Variants in SHISA9 observed in about 807,000 individuals in gnomAD.
SHISA9 encodes shisa family member 9.
SHISA9 carries 13 observed loss-of-function variants against 38.0 expected under a neutral mutation model. That is an observed-to-expected ratio of 0.34 (90% CI 0.22 to 0.54). The LOEUF (loss-of-function observed/expected upper bound fraction) is 0.54, where lower values mean the gene tolerates loss of function less well. Ranked by LOEUF, SHISA9 falls within the 20% of genes least tolerant of loss-of-function variation. SHISA9 has a pLI of 0.91. For missense variants in SHISA9, 538 were observed against 575.8 expected, an observed-to-expected ratio of 0.93 and a Z score of 0.67; for synonymous variants, 275 against 242.0, an observed-to-expected ratio of 1.14 and a Z score of -1.27.
intron 2 of SHISA9, among the ~76,000 whole-genome samples, chr16:13,170,647 AGTTTGTTT>A (rs201400283): frequency 6.6e-5 from 10 of 152,040 alleles, no homozygotes; most frequent in African/African-American, 1.7e-4. Flanking sequence ...TTCAAATAAA[AGTTTGTTT>A]GTTTGTTTGT....
At chr16:12,903,440 C>T (rs2071049152) in intron 1 of SHISA9, among the ~76,000 whole-genome samples, 1 of 152,230 alleles carries the variant, frequency 6.6e-6, no homozygotes, top group Non-Finnish European at 1.5e-5. Context: ...ATTATGCAAG[C>T]CCCAGCACCA....
At chr16:13,367,488 A>C in the SHISA9 span, among the ~76,000 whole-genome samples, 1 of 151,760 alleles carries the variant, frequency 6.6e-6, no homozygotes, top group Non-Finnish European at 1.5e-5. Context: ...CAGGATCCAG[A>C]GAAATTAAGC....
chr16:13,187,034 G>A (rs1035010199), intron 2 of SHISA9, among the ~76,000 whole-genome samples: 1 of 152,106 alleles, frequency 6.6e-6, no homozygotes, highest in African/African-American at 2.4e-5. Context: ...CTGTGAACAC[G>A]GGTCTACAAA....
the SHISA9 span, among the ~76,000 whole-genome samples, chr16:13,552,911 C>T: frequency 1.3e-5 from 2 of 151,970 alleles, 1 homozygote; most frequent in Admixed American, 1.3e-4. Context: ...TTGACTATAG[C>T]AGAGTTTCTC....
chr16:13,530,199 G>A, the SHISA9 span, among the ~76,000 whole-genome samples: 1 of 152,178 alleles, frequency 6.6e-6, no homozygotes, highest in Non-Finnish European at 1.5e-5. Context: ...TACTCAGGAG[G>A]CTGAAGCAGG....
chr16:13,190,728 C>G (rs1211357972), intron 2 of SHISA9, among the ~76,000 whole-genome samples: 1 of 152,146 alleles, frequency 6.6e-6, no homozygotes, highest in Non-Finnish European at 1.5e-5. Context: ...ATCTCTGTCC[C>G]CCAGAGCCTG....
At chr16:13,256,367 T>C in the SHISA9 span, among the ~76,000 whole-genome samples, 1 of 152,232 alleles carries the variant, frequency 6.6e-6, no homozygotes, top group Non-Finnish European at 1.5e-5. Flanking sequence ...CCGCAACCTC[T>C]GCCTCCCAGG....
chr16:13,488,798 G>A, the SHISA9 span, among the ~76,000 whole-genome samples: 1 of 152,148 alleles, frequency 6.6e-6, no homozygotes, highest in African/African-American at 2.4e-5. Context: ...GTCTCACTCT[G>A]TTGCCCAGGC....
chr16:12,949,726 A>C (rs2071730858), intron 2 of SHISA9, among the ~76,000 whole-genome samples: 1 of 152,322 alleles, frequency 6.6e-6, no homozygotes, highest in East Asian at 1.9e-4. Context: ...TTTTTATATT[A>C]TCTTTTTAAT....
intron 2 of SHISA9, among the ~76,000 whole-genome samples, chr16:13,091,657 T>C (rs953628038): frequency 6.6e-6 from 1 of 152,224 alleles, no homozygotes; most frequent in Admixed American, 6.5e-5. Context: ...CATCAGGTTA[T>C]TTAAAGTCTT....
chr16:13,511,892 T>C, the SHISA9 span, among the ~76,000 whole-genome samples: 1 of 152,192 alleles, frequency 6.6e-6, no homozygotes, highest in Admixed American at 6.5e-5. Flanking sequence ...GTCTAGGACT[T>C]TTCCTAGACA....
At chr16:13,356,798 G>A in the SHISA9 span, among the ~76,000 whole-genome samples, 77 of 152,270 alleles carry the variant, frequency 5.1e-4, no homozygotes, top group African/African-American at 1.8e-3. Context: ...ATGCCTGGAC[G>A]TCAGGCACCT....
chr16:13,305,452 A>G, the SHISA9 span, among the ~76,000 whole-genome samples: 1 of 152,188 alleles, frequency 6.6e-6, no homozygotes, highest in African/African-American at 2.4e-5. Context: ...AAACTGATGG[A>G]ATAATGTGCC....
At chr16:13,485,494 T>C in the SHISA9 span, among the ~76,000 whole-genome samples, 1 of 152,214 alleles carries the variant, frequency 6.6e-6, no homozygotes, top group African/African-American at 2.4e-5. Context: ...TCCTTTTTTA[T>C]TGATATATAA....
chr16:13,356,190 A>G, the SHISA9 span, among the ~76,000 whole-genome samples: 5 of 152,226 alleles, frequency 3.3e-5, no homozygotes, highest in Admixed American at 1.3e-4. Context: ...GGTGAGGTTA[A>G]TTAAATCCTG....
At chr16:13,231,928 C>G (rs1467545577) in intron 4 of SHISA9, among the ~76,000 whole-genome samples, 2 of 152,198 alleles carry the variant, frequency 1.3e-5, no homozygotes, top group Non-Finnish European at 2.9e-5. Flanking sequence ...ATTTTATATG[C>G]CAGAGCTTGA....
chr16:13,394,685 G>A, the SHISA9 span, among the ~76,000 whole-genome samples: 2 of 152,250 alleles, frequency 1.3e-5, no homozygotes, highest in Non-Finnish European at 2.9e-5. Context: ...TACTCTCTTT[G>A]TGCCGTGTTC....
intron 2 of SHISA9, among the ~76,000 whole-genome samples, chr16:13,174,344 C>T (rs2050713721): frequency 6.6e-6 from 1 of 152,110 alleles, no homozygotes; most frequent in African/African-American, 2.4e-5. Context: ...CCTCATGTAC[C>T]TTGCAGTCTG....
chr16:13,071,785 G>A (rs1037470885), intron 2 of SHISA9, among the ~76,000 whole-genome samples: 1 of 151,726 alleles, frequency 6.6e-6, no homozygotes, highest in Non-Finnish European at 1.5e-5. Context: ...CTACAGGCAT[G>A]CACCACCATG....
Sources: gnomAD v4.1 joint callset for allele counts (sites outside exome capture counted in the v4.1 genomes callset) on GRCh38, gnomAD v4.1.1 for gene constraint, MANE v1.5 for transcripts, NCBI Gene and HGNC (gene_info 2026-07-23, HGNC 2026-07-21) for gene names.